GSE1: variants seen among roughly 807,000 people sequenced by gnomAD.
GSE1 encodes Gse1 coiled-coil protein, also known as genetic suppressor element 1.
Under a neutral mutation model 112.6 loss-of-function variants are expected in GSE1, and 32 were observed. That is an observed-to-expected ratio of 0.28 (90% CI 0.21 to 0.38). The LOEUF (loss-of-function observed/expected upper bound fraction) is 0.38. Ranked by LOEUF, GSE1 falls within the 10% of genes least tolerant of loss-of-function variation. The pLI is 1.00. For synonymous variants in GSE1, 1,115 were observed against 735.6 expected, an observed-to-expected ratio of 1.52 and a Z score of -8.35; for missense variants, 2,348 against 1,699.2, an observed-to-expected ratio of 1.38 and a Z score of -6.71.
At chr16:85,422,638 G>A (rs1016895727) in intron 2 of GSE1, among the ~76,000 whole-genome samples, 6 of 152,106 alleles carry the variant, frequency 3.9e-5, no homozygotes, top group Admixed American at 1.3e-4. Context: ...GAGAGGGGGC[G>A]TTCTGGCCGC....
upstream of GSE1, chr16:85,613,007 C>T (rs966135824): frequency 4.4e-5 from 12 of 272,774 alleles, no homozygotes; most frequent in South Asian, 3.3e-4. Flanking sequence ...GGGGGTGGCA[C>T]CTCCGCGGCC....
At chr16:85,231,174 A>C (rs971405178) in intron 1 of GSE1, among the ~76,000 whole-genome samples, 5 of 151,108 alleles carry the variant, frequency 3.3e-5, no homozygotes, top group Admixed American at 1.3e-4. Flanking sequence ...GGACAGATGG[A>C]TGGATGGATG....
At chr16:85,331,363 G>GTATATATGTATATATATGTATATATA (rs1396264079) in intron 1 of GSE1, among the ~76,000 whole-genome samples, 2 of 45,436 alleles carry the variant, frequency 4.4e-5, no homozygotes, top group African/African-American at 1.2e-4. Context: ...GTGTGTGTGT[G>GTATATATGTATATATATGTATATATA]TGTATATATG....
intron 2 of GSE1, among the ~76,000 whole-genome samples, chr16:85,431,009 G>A (rs377495905): frequency 2.6e-5 from 4 of 152,352 alleles, no homozygotes; most frequent in East Asian, 1.9e-4. Flanking sequence ...AAGGCCCTGG[G>A]CTGAGGGTTT....
intron 1 of GSE1, among the ~76,000 whole-genome samples, chr16:85,276,693 G>A (rs1386530045): frequency 1.3e-5 from 2 of 152,202 alleles, no homozygotes; most frequent in African/African-American, 2.4e-5. Context: ...GACCCACCAC[G>A]CTGCTCTCAG....
At chr16:85,598,585 C>T (rs773565043) in intron 1 of GSE1, among the ~76,000 whole-genome samples, 2 of 152,266 alleles carry the variant, frequency 1.3e-5, no homozygotes, top group Non-Finnish European at 2.9e-5. Context: ...GCCCGGACCC[C>T]GGGCTCCCTC....
At position 85,382,940 on chromosome 16, in the gene GSE1, C is replaced by T. The variant is rs976303196; in HGVS notation, c.2464+25297C>T. On this transcript the variant is annotated intron_variant, in intron 2 of 2. Transcript: ENST00000637419. ...TACATGCACACACGCGCACACAACACGTACACATGCACACACGTGCACACA... is the reference window on the plus strand; with the variant it reads ...TACATGCACACACGCGCACACAACATGTACACATGCACACACGTGCACACA... 5.3e-5 allele frequency among the ~76,000 whole-genome samples: 8 copies of T among 151,202 alleles called. No homozygotes were observed. In the East Asian group the frequency reaches 5.9e-4, roughly 11 times the overall value.
intron 2 of GSE1, among the ~76,000 whole-genome samples, chr16:85,476,263 C>G (rs1012939386): frequency 6.6e-6 from 1 of 152,190 alleles, no homozygotes; most frequent in Non-Finnish European, 1.5e-5. Context: ...TTTAAGAACA[C>G]GATGGGCTCC....
intron 1 of GSE1, among the ~76,000 whole-genome samples, chr16:85,336,764 GC>G (rs1246975044): frequency 6.6e-6 from 1 of 152,148 alleles, no homozygotes; most frequent in Non-Finnish European, 1.5e-5. Flanking sequence ...ACCACGCCCA[GC>G]CTTGCCCTCA....
intron 2 of GSE1, among the ~76,000 whole-genome samples, chr16:85,636,689 G>C (rs1001036911): frequency 2.1e-4 from 2 of 9,622 alleles, no homozygotes; most frequent in African/African-American, 2.8e-3. Context: ...GGGCCTTCCC[G>C]GGGGGGGGCT....
chr16:85,668,946 G>A (rs898062149), intron 14 of GSE1, among the ~76,000 whole-genome samples: 7 of 152,246 alleles, frequency 4.6e-5, no homozygotes, highest in Admixed American at 3.3e-4. Flanking sequence ...TTAGTCGAAG[G>A]CTTGCCGCCT....
At chr16:85,252,721 C>T (rs191989524) in intron 1 of GSE1, among the ~76,000 whole-genome samples, 62 of 152,344 alleles carry the variant, frequency 4.1e-4, no homozygotes, top group African/African-American at 1.5e-3. Context: ...CTTGAGCCTC[C>T]AACATCAGAG....
At chr16:85,575,802 A>G (rs1281513547) in intron 1 of GSE1, among the ~76,000 whole-genome samples, 1 of 152,094 alleles carries the variant, frequency 6.6e-6, no homozygotes, top group African/African-American at 2.4e-5. Context: ...GCTTAATTGT[A>G]GAGATCGCTT....
At chr16:85,232,588 C>T (rs1396772512) in intron 1 of GSE1, among the ~76,000 whole-genome samples, 1 of 152,202 alleles carries the variant, frequency 6.6e-6, no homozygotes, top group East Asian at 1.9e-4. Context: ...CAAGGGAGGC[C>T]CAGCAGACCC....
At chr16:85,208,384 T>C (rs985810760) in intron 1 of GSE1, among the ~76,000 whole-genome samples, 1 of 152,122 alleles carries the variant, frequency 6.6e-6, no homozygotes, top group Non-Finnish European at 1.5e-5. Flanking sequence ...CACTCAGTAC[T>C]CCCTCCTGGT....
intron 1 of GSE1, among the ~76,000 whole-genome samples, chr16:85,215,351 A>G (rs34890045): frequency 0.29 from 43,581 of 152,016 alleles, 7,341 homozygotes; most frequent in African/African-American, 0.47. Context: ...GAGCTAAGCT[A>G]TGAGTCCACA....
At chr16:85,655,618 TC>T in intron 5 of GSE1, 107 bp from the exon 6 acceptor site, 4 of 674,210 alleles carry the variant, frequency 5.9e-6, no homozygotes, top group Non-Finnish European at 1.0e-5. Flanking sequence ...TTTGTCACGT[TC>T]CCCACGCTCA....
chr16:85,564,884 C>T (rs906609106), intron 1 of GSE1, among the ~76,000 whole-genome samples: 7 of 152,088 alleles, frequency 4.6e-5, no homozygotes, highest in African/African-American at 1.4e-4. Context: ...GCCAGGCGTG[C>T]GGGAGTGTGG....
intron 1 of GSE1, chr16:85,580,349 T>C (rs1214115989): frequency 6.6e-6 from 1 of 151,918 alleles, no homozygotes; most frequent in Non-Finnish European, 1.5e-5. Context: ...GGAGGGCCCT[T>C]CCTGGAGAAG....
Sources: allele counts gnomAD v4.1 joint callset (sites outside exome capture counted in the v4.1 genomes callset), GRCh38; gene constraint gnomAD v4.1.1; transcripts MANE v1.5; gene names NCBI Gene and HGNC (gene_info 2026-07-23, HGNC 2026-07-21).